The following SERPINB2 variants were observed in gnomAD, a reference collection of about 807,000 sequenced individuals.
SERPINB2 encodes the protein serpin family B member 2.
In SERPINB2, 28 loss-of-function variants were observed where a neutral mutation model predicts 39.4. The observed-to-expected ratio is 0.71, with a 90% CI of 0.53 to 0.97. The LOEUF is 0.97. SERPINB2 is among the 50% of genes least tolerant of loss of function. The pLI is 0.00. For missense variants in SERPINB2, 557 were observed against 505.3 expected (o/e 1.10, Z -0.98); for synonymous variants, 209 against 175.1 (o/e 1.19, Z -1.53).
intron 2 of SERPINB2, chr18:63,892,690 G>A (rs1291104510): frequency 6.6e-6 from 1 of 152,256 alleles, no homozygotes. Flanking sequence ...GAAGTTTGAA[G>A]TTTCACAGAG....
chr18:63,891,244 G>A (rs73475998), intron 1 of SERPINB2, among the ~76,000 whole-genome samples, 192 bp from the exon 2 acceptor site: 15,662 of 152,056 alleles, frequency 0.1, 2,664 homozygotes, highest in African/African-American at 0.36. Context: ...GGCTAAACAA[G>A]GGGCTTTTTA....
rs747639390 is a variant in SERPINB2 at position 63,897,771 on chromosome 18, G to C, written c.462G>C (p.Gln154His). Residue 154 changes from glutamine to histidine, a missense_variant, in exon 5 of 8, where the codon CAG (glutamine) becomes CAC (histidine). Gln to His is a conservative substitution (Grantham distance 24). Coordinates refer to ENST00000299502, the MANE Select transcript of SERPINB2 (RefSeq NM_002575.3). Reference protein sequence around the residue: ...LCQKYYSSEPQAVDFLECAEE... With the variant: ...LCQKYYSSEPHAVDFLECAEE... ...AGAAATATTACTCCTCAGAACCCCA[G>C]GCAGTAGACTTCCTAGAATGTGCAG... 7 of 1,613,506 alleles carry C rather than the reference G, an allele frequency of 4.3e-6. No homozygotes were observed. Among genetic ancestry groups the C allele is most frequent in the Non-Finnish European group, 5.9e-6 (7 of 1,179,576 alleles).
intron 6 of SERPINB2, among the ~76,000 whole-genome samples, chr18:63,902,191 T>G (rs1414008830): frequency 2.6e-5 from 4 of 152,170 alleles, no homozygotes; most frequent in Non-Finnish European, 1.5e-5. Context: ...TCATTACCAT[T>G]GTTGTCCATC....
chr18:63,903,012 G>A lies in SERPINB2; in HGVS notation c.955G>A (p.Glu319Lys), dbSNP rs150712395. 6 of 1,613,752 alleles carry A rather than the reference G, an allele frequency of 3.7e-6. No individual in the cohort carries two copies. The highest frequency in any genetic ancestry group is 5.1e-6 in the Non-Finnish European group (6 of 1,179,838). Reference protein sequence around the residue: ...IPQFKLEEHYELRSILRSMGM... With the variant: ...IPQFKLEEHYKLRSILRSMGM... ...CCAGTTCAAATTAGAAGAGCATTAT[G>A]AACTCAGATCCATTCTGAGAAGCAT... The change falls in exon 8 of 8, where the codon GAA becomes AAA. Residue 319 changes from glutamate (E) to lysine (K), a missense_variant. Transcript: ENST00000299502.
chr18:63,901,725 T>A lies in SERPINB2; in HGVS notation c.536-15T>A. The stretch of plus-strand genomic sequence containing the variant: ...CTTGATTATGAAACCTAAATATATG[T>A]TATGTTTTCTGTAGGCAAAATCCCA... On this transcript the variant is annotated splice_polypyrimidine_tract_variant and intron_variant, in intron 5 of 7. Transcript: ENST00000299502. 1 of 1,526,904 alleles carries A rather than the reference T, an allele frequency of 6.5e-7. No individual in the cohort carries two copies. The highest frequency in any genetic ancestry group is 8.7e-7 in the Non-Finnish European group (1 of 1,146,428). The allele number at this position is 1,526,904 out of a possible 1,614,324, so 94.6% of individuals were successfully genotyped here.
intron 1 of SERPINB2, 72 bp from the exon 2 acceptor site, chr18:63,891,364 C>A: frequency 6.7e-7 from 1 of 1,482,824 alleles, no homozygotes. Context: ...GCCTGTCCTA[C>A]TGTTGCTGAC....
chr18:63,903,435 C>A lies in SERPINB2; in HGVS notation c.*130C>A. The A allele has an allele frequency of 2.5e-6, 2 of 798,422 alleles. No homozygotes were observed. The highest frequency in any genetic ancestry group is 1.8e-6 in the Non-Finnish European group (1 of 556,158). The allele number at this position is 798,422 out of a possible 1,614,324, so 49.5% of individuals were successfully genotyped here. On this transcript the variant is annotated 3_prime_UTR_variant, in exon 8 of 8. Coordinates refer to ENST00000299502, the MANE Select transcript of SERPINB2 (RefSeq NM_002575.3). Reference sequence around the variant, plus strand: ...TGCTCTTCTGAACAACTTCTGCTACCCACTAAATAAAAACACAGAAATAAT... The same window carrying A: ...TGCTCTTCTGAACAACTTCTGCTACACACTAAATAAAAACACAGAAATAAT...
chr18:63,897,470 C>A (rs957400066), intron 4 of SERPINB2, among the ~76,000 whole-genome samples: 1 of 152,134 alleles, frequency 6.6e-6, no homozygotes, highest in Non-Finnish European at 1.5e-5. Flanking sequence ...GAGACACTAT[C>A]CCCCAAGTCA....
intron 3 of SERPINB2, among the ~76,000 whole-genome samples, chr18:63,895,699 G>A (rs1393866835): frequency 6.6e-6 from 1 of 152,182 alleles, no homozygotes; most frequent in East Asian, 1.9e-4. Flanking sequence ...GAATACACGT[G>A]TATGGATAAG....
At chr18:63,893,230 G>T (rs9961912) in intron 2 of SERPINB2, among the ~76,000 whole-genome samples, 3 of 151,942 alleles carry the variant, frequency 2.0e-5, no homozygotes, top group African/African-American at 7.3e-5. Context: ...ACCCGGCCTA[G>T]GTTTTTTTGT....
chr18:63,895,548 C>T (rs995707477), intron 3 of SERPINB2, among the ~76,000 whole-genome samples, 165 bp downstream of exon 3: 9 of 152,160 alleles, frequency 5.9e-5, no homozygotes, highest in African/African-American at 1.9e-4. Flanking sequence ...TAAGATGATA[C>T]CCATAACGAG....
At chr18:63,900,670 C>A (rs1010019233) in intron 5 of SERPINB2, among the ~76,000 whole-genome samples, 12 of 152,142 alleles carry the variant, frequency 7.9e-5, no homozygotes, top group African/African-American at 2.7e-4. Context: ...GAGGTGGTAA[C>A]TCCAAGGTGT....
chr18:63,897,911 C>A, intron 5 of SERPINB2, 67 bp downstream of exon 5: 1 of 1,118,604 alleles, frequency 8.9e-7, no homozygotes, highest in Non-Finnish European at 1.3e-6. Context: ...CTTTTTCCAT[C>A]CATGAACTTA....
chr18:63,897,199 A>T lies in SERPINB2; in HGVS notation c.397A>T (p.Lys133Ter). The change falls in exon 4 of 8, where the codon AAG becomes TAG. Residue 133 changes from lysine (K) to a stop codon, truncating the protein, a stop_gained. Transcript: ENST00000299502. LOFTEE classifies it high-confidence loss of function. ...AAGTGTCAATAAGCTGTTTGGTGAG[A>T]AGTCTGCGAGCTTCCGGGAAGTAAG... ...LESVNKLFGE[K>*]SASFREEYIR... is the part of the protein sequence containing the mutation. 1 of 1,611,256 alleles carries T rather than the reference A, an allele frequency of 6.2e-7. No individual in the cohort carries two copies. Among genetic ancestry groups the T allele is most frequent in the South Asian group, 1.1e-5 (1 of 90,644 alleles).
chr18:63,897,232 T>G lies in SERPINB2; in HGVS notation c.417+13T>G, dbSNP rs1054476730. On this transcript the variant is annotated intron_variant, in intron 4 of 7. Transcript: ENST00000299502. Reference sequence around the variant, plus strand: ...GAGCTTCCGGGAAGTAAGTGAAACCTGTAATTGAAATGGCTGGATCCCAAA... The same window carrying G: ...GAGCTTCCGGGAAGTAAGTGAAACCGGTAATTGAAATGGCTGGATCCCAAA... 2 of 1,605,864 alleles carry G rather than the reference T, an allele frequency of 1.2e-6. No homozygotes were observed. The highest frequency in any genetic ancestry group is 8.5e-7 in the Non-Finnish European group (1 of 1,176,260).
chr18:63,895,255 T>C lies in SERPINB2; in HGVS notation c.169-9T>C, dbSNP rs1219667631. 9 of 1,612,458 alleles carry C rather than the reference T, an allele frequency of 5.6e-6. No homozygotes were observed. The South Asian group carries it at 9.9e-5, about 18-fold the overall frequency. ...CAAGTGTAACCGTTTTCTCTAATTCTGATTGCAGGTGCTTCAGTTTAATGA... is the reference window on the plus strand; with the variant it reads ...CAAGTGTAACCGTTTTCTCTAATTCCGATTGCAGGTGCTTCAGTTTAATGA... On this transcript the variant is annotated splice_polypyrimidine_tract_variant and intron_variant, in intron 2 of 7. Coordinates refer to ENST00000299502, the MANE Select transcript of SERPINB2 (RefSeq NM_002575.3).
chr18:63,892,849 ATT>A (rs376176823), intron 2 of SERPINB2: 135 of 152,252 alleles, frequency 8.9e-4, no homozygotes, highest in African/African-American at 3.2e-3. Context: ...TTTCCCCATT[ATT>A]TTTTATTTTT....
At chr18:63,901,010 G>T (rs2049987932) in intron 5 of SERPINB2, among the ~76,000 whole-genome samples, 1 of 152,032 alleles carries the variant, frequency 6.6e-6, no homozygotes, top group Admixed American at 6.6e-5. Flanking sequence ...TTGGAATACT[G>T]CAGAGCGAGT....
intron 2 of SERPINB2, among the ~76,000 whole-genome samples, chr18:63,893,798 C>A (rs908265289): frequency 1.3e-5 from 2 of 152,146 alleles, no homozygotes; most frequent in South Asian, 4.1e-4. Context: ...AGGCATCTTT[C>A]TAAGAACTTC....
Sources: gnomAD v4.1 joint callset for allele counts (sites outside exome capture counted in the v4.1 genomes callset) on GRCh38, gnomAD v4.1.1 for gene constraint, MANE v1.5 for transcripts, NCBI Gene and HGNC (gene_info 2026-07-23, HGNC 2026-07-21) for gene names.